Variants in SLC30A9 observed in about 807,000 individuals in gnomAD.
SLC30A9 encodes the protein proton-coupled zinc antiporter SLC30A9, mitochondrial.
A neutral mutation model predicts 87.5 loss-of-function variants in SLC30A9; 58 were observed. The observed-to-expected ratio is 0.66, with a 90% CI of 0.54 to 0.82. The LOEUF is 0.82. SLC30A9 is among the 40% of genes least tolerant of loss of function. The probability of loss-of-function intolerance (pLI) is 0.00; values close to 1 mark genes in which losing one functional copy is unlikely to be tolerated. For missense variants in SLC30A9, 557 were observed against 679.1 expected (o/e 0.82, Z 2.00); for synonymous variants, 234 against 233.0 (o/e 1.00, Z -0.04).
At chr4:42,044,594 T>TA (rs1476754847) in intron 8 of SLC30A9, among the ~76,000 whole-genome samples, 1 of 152,146 alleles carries the variant, frequency 6.6e-6, no homozygotes, top group Non-Finnish European at 1.5e-5. Flanking sequence ...CAAAGAGACT[T>TA]AGACTCCCAC....
intron 4 of SLC30A9, among the ~76,000 whole-genome samples, chr4:42,021,831 C>T (rs1342488078): frequency 6.6e-6 from 1 of 151,868 alleles, no homozygotes; most frequent in Non-Finnish European, 1.5e-5. Context: ...CTTACTGCAG[C>T]CTCTACCTCC....
At chr4:42,071,059 T>C (rs1317220885) in intron 15 of SLC30A9, among the ~76,000 whole-genome samples, 1 of 152,088 alleles carries the variant, frequency 6.6e-6, no homozygotes, top group African/African-American at 2.4e-5. Flanking sequence ...AAAAAGATTT[T>C]TGTTCATTGG....
chr4:42,023,138 C>T (rs1436785349), intron 5 of SLC30A9, among the ~76,000 whole-genome samples, 164 bp from the exon 6 acceptor site: 1 of 152,130 alleles, frequency 6.6e-6, no homozygotes, highest in East Asian at 1.9e-4. Flanking sequence ...TGAATTTACT[C>T]TAGTTGTTTA....
At chr4:41,999,417 A>G (rs1466141121) in intron 1 of SLC30A9, among the ~76,000 whole-genome samples, 1 of 152,226 alleles carries the variant, frequency 6.6e-6, no homozygotes, top group East Asian at 1.9e-4. Context: ...ATTGAAGAAC[A>G]GTAGACACTA....
At chr4:42,080,068 A>C (rs1718698313) in intron 17 of SLC30A9, among the ~76,000 whole-genome samples, 1 of 152,170 alleles carries the variant, frequency 6.6e-6, no homozygotes, top group Non-Finnish European at 1.5e-5. Context: ...TAGTGATTTG[A>C]TTGTTTGGCC....
At chr4:42,029,506 T>C (rs1044267812) in intron 6 of SLC30A9, 1 of 675,552 alleles carries the variant, frequency 1.5e-6, no homozygotes, top group Non-Finnish European at 2.8e-6. Flanking sequence ...TCCCAAGCAC[T>C]GTGAGGCATA....
intron 10 of SLC30A9, among the ~76,000 whole-genome samples, chr4:42,062,009 A>G (rs1406245303): frequency 2.6e-5 from 4 of 152,006 alleles, no homozygotes; most frequent in Admixed American, 2.6e-4. Flanking sequence ...AGCCTGACCA[A>G]CGTGGAGAAG....
At chr4:42,010,898 T>G (rs1257777570) in intron 2 of SLC30A9, among the ~76,000 whole-genome samples, 3 of 152,150 alleles carry the variant, frequency 2.0e-5, no homozygotes, top group Non-Finnish European at 2.9e-5. Context: ...GGAGTTTGGC[T>G]TGTTTGGAGT....
chr4:42,079,854 G>A (rs1718691183), intron 17 of SLC30A9, among the ~76,000 whole-genome samples: 1 of 152,072 alleles, frequency 6.6e-6, no homozygotes, highest in African/African-American at 2.4e-5. Context: ...CTGACCTTGT[G>A]ATGTGCCCAC....
intron 16 of SLC30A9, 31 bp from the exon 17 acceptor site, chr4:42,078,181 A>C: frequency 8.6e-7 from 1 of 1,161,088 alleles, no homozygotes; most frequent in Non-Finnish European, 1.2e-6. Context: ...TTTTTTAAAA[A>C]TTTATTTTCC....
At chr4:42,074,802 G>T (rs974756834) in intron 15 of SLC30A9, among the ~76,000 whole-genome samples, 3 of 151,538 alleles carry the variant, frequency 2.0e-5, no homozygotes, top group Non-Finnish European at 4.4e-5. Context: ...GTCCCATGTG[G>T]CAGTTATTAT....
chr4:42,018,099 TA>T lies in SLC30A9; in HGVS notation c.275-9del. The stretch of plus-strand genomic sequence containing the variant: ...GTTGTTTAATGTAAACTTCTTTTAA[TA>T]AACTTTACAGCAGAAGGTATAGGCA... On this transcript the variant is annotated splice_polypyrimidine_tract_variant and intron_variant, in intron 2 of 17. Coordinates refer to ENST00000264451, the MANE Select transcript of SLC30A9 (RefSeq NM_006345.4). 6.8e-7 allele frequency: 1 copy of T among 1,477,348 alleles called. No homozygotes were observed. The highest frequency in any genetic ancestry group is 9.4e-7 in the Non-Finnish European group (1 of 1,066,100). The allele number at this position is 1,477,348 out of a possible 1,614,324, so 91.5% of individuals were successfully genotyped here. A position where few individuals can be genotyped will look rare whatever the true frequency, so the allele number is the denominator to read the frequency against.
chr4:42,053,695 CAAAAAAAAAAA>C (rs56190460), intron 9 of SLC30A9, among the ~76,000 whole-genome samples: 125 of 55,928 alleles, frequency 2.2e-3, no homozygotes, highest in African/African-American at 0.011. Flanking sequence ...ACTCGGTCTC[CAAAAAAAAAAA>C]AAAAAAAAAA....
intron 17 of SLC30A9, among the ~76,000 whole-genome samples, chr4:42,082,596 C>T (rs2153141586): frequency 6.6e-6 from 1 of 152,284 alleles, no homozygotes; most frequent in East Asian, 1.9e-4. Flanking sequence ...GCCTGTCATC[C>T]CAGCACTTTG....
intron 6 of SLC30A9, among the ~76,000 whole-genome samples, chr4:42,027,971 G>A (rs906760657): frequency 1.3e-5 from 2 of 152,270 alleles, no homozygotes; most frequent in Middle Eastern, 3.4e-3. Context: ...AAAAAGCAAG[G>A]CAAATTATTT....
At chr4:42,045,104 A>C (rs1255448289) in intron 8 of SLC30A9, among the ~76,000 whole-genome samples, 2 of 152,222 alleles carry the variant, frequency 1.3e-5, no homozygotes, top group African/African-American at 2.4e-5. Flanking sequence ...CCACAGGAGA[A>C]AGTCGGAAAG....
At chr4:42,027,029 C>G (rs2153136113) in intron 6 of SLC30A9, among the ~76,000 whole-genome samples, 2 of 152,270 alleles carry the variant, frequency 1.3e-5, no homozygotes, top group Middle Eastern at 3.4e-3. Flanking sequence ...CTTACAACAA[C>G]CTATGTCCCT....
At chr4:42,083,060 C>T (rs942415264) in intron 17 of SLC30A9, among the ~76,000 whole-genome samples, 2 of 152,104 alleles carry the variant, frequency 1.3e-5, no homozygotes, top group Non-Finnish European at 2.9e-5. Flanking sequence ...TTTCTCCTAT[C>T]CCTCCATTAA....
intron 17 of SLC30A9, among the ~76,000 whole-genome samples, chr4:42,084,395 TTAA>T (rs1718846040): frequency 6.6e-6 from 1 of 152,206 alleles, no homozygotes; most frequent in Non-Finnish European, 1.5e-5. Flanking sequence ...TCTCACAGTA[TTAA>T]TATGTTACAT....
Sources: allele counts gnomAD v4.1 joint callset (sites outside exome capture counted in the v4.1 genomes callset), GRCh38; gene constraint gnomAD v4.1.1; transcripts MANE v1.5; gene names NCBI Gene and HGNC (gene_info 2026-07-23, HGNC 2026-07-21).